NIPA1: variants seen among roughly 807,000 people sequenced by gnomAD.
NIPA1 encodes magnesium transporter NIPA1.
A neutral mutation model predicts 23.9 loss-of-function variants in NIPA1; 13 were observed. The ratio of observed to expected loss-of-function variants is 0.54; its 90% confidence interval spans 0.35 to 0.87. The LOEUF is 0.87. NIPA1 is among the 40% of genes least tolerant of loss of function. The pLI, the probability that NIPA1 is intolerant of heterozygous loss-of-function variation, is 0.01. For synonymous variants in NIPA1, 234 were observed against 202.9 expected (o/e 1.15, Z -1.30); for missense variants, 362 against 429.7 (o/e 0.84, Z 1.39).
chr15:22,822,053 T>C (rs1895550307), intron 4 of NIPA1, among the ~76,000 whole-genome samples: 1 of 152,150 alleles, frequency 6.6e-6, no homozygotes, highest in South Asian at 2.1e-4. Context: ...TAGCTGCAGA[T>C]ATAGACTGAC....
intron 3 of NIPA1, chr15:22,813,785 G>A (rs546362284): frequency 4.4e-5 from 19 of 435,346 alleles, no homozygotes; most frequent in East Asian, 7.0e-5. Context: ...CATTTTTCTC[G>A]TGAACACATA....
At chr15:22,812,939 T>C (rs904074060) in intron 3 of NIPA1, among the ~76,000 whole-genome samples, 4 of 152,134 alleles carry the variant, frequency 2.6e-5, no homozygotes, top group African/African-American at 9.7e-5. Flanking sequence ...TGCTTAGCAT[T>C]CCTTGCTGGA....
chr15:22,795,169 G>C (rs1470788394), intron 1 of NIPA1, among the ~76,000 whole-genome samples: 1 of 152,076 alleles, frequency 6.6e-6, no homozygotes, highest in Non-Finnish European at 1.5e-5. Context: ...ATCTTTATCT[G>C]ACCCTGAGAG....
At chr15:22,823,664 C>T (rs1210093703) in intron 4 of NIPA1, 64 bp from the exon 5 acceptor site, 29 of 1,523,630 alleles carry the variant, frequency 1.9e-5, no homozygotes, top group Non-Finnish European at 2.6e-5. Context: ...CTGCCCCAGT[C>T]CACCTCCTGG....
intron 1 of NIPA1, among the ~76,000 whole-genome samples, chr15:22,787,882 C>T (rs1025122443): frequency 1.3e-5 from 2 of 152,046 alleles, no homozygotes; most frequent in African/African-American, 4.8e-5. Context: ...CCGACAGTCT[C>T]GAATGAAAAT....
At chr15:22,805,226 GT>G (rs1176117336) in intron 1 of NIPA1, among the ~76,000 whole-genome samples, 8 of 152,164 alleles carry the variant, frequency 5.3e-5, no homozygotes, top group African/African-American at 1.9e-4. Context: ...GGAAAAATAA[GT>G]TCTGCATATC....
intron 3 of NIPA1, chr15:22,814,072 C>G (rs1291542040): frequency 7.9e-7 from 1 of 1,264,884 alleles, no homozygotes; most frequent in Admixed American, 2.3e-5. Flanking sequence ...TTCACTGCTC[C>G]ACATCTGCAG....
chr15:22,795,034 A>G (rs1334533532), intron 1 of NIPA1, among the ~76,000 whole-genome samples: 2 of 152,086 alleles, frequency 1.3e-5, no homozygotes, highest in African/African-American at 4.8e-5. Context: ...GGAGCCGCAG[A>G]GTGAGGATGG....
intron 1 of NIPA1, among the ~76,000 whole-genome samples, chr15:22,799,227 CAT>C (rs1895011135): frequency 6.6e-6 from 1 of 152,182 alleles, no homozygotes; most frequent in Non-Finnish European, 1.5e-5. Context: ...CACATATACA[CAT>C]ATGGAATACT....
Position 22,823,825 on chromosome 15 carries a change from C to T in NIPA1, c.576C>T (p.Ile192=), listed in dbSNP as rs1295137961. Residue 192 remains isoleucine (I), a synonymous_variant, in exon 5 of 5, where the codon ATC becomes ATT. Coordinates refer to ENST00000337435, the MANE Select transcript of NIPA1 (RefSeq NM_144599.5). ...GGCCCACCAACATCATGGTCTACATCAGCATCTGCTCCTTGCTGGGCAGTT... is the reference window on the plus strand; with the variant it reads ...GGCCCACCAACATCATGGTCTACATTAGCATCTGCTCCTTGCTGGGCAGTT... The part of the protein sequence containing the change: ...AHGPTNIMVY[I]SICSLLGSFT... 2 of 1,614,146 alleles carry T rather than the reference C, an allele frequency of 1.2e-6. No homozygotes were observed. Among genetic ancestry groups the T allele is most frequent in the Non-Finnish European group, 1.7e-6 (2 of 1,180,000 alleles).
rs147363721 is a variant in NIPA1 at position 22,788,938 on chromosome 15, G to A, written c.178+2104G>A. On this transcript the variant is annotated intron_variant, in intron 1 of 4. Transcript: ENST00000337435. ...CTGTCTTAAAAAAAAAAAAAAAAAA[G>A]ATAAATGCTGTTTCTTATACCTATA... Among the ~76,000 whole-genome samples, 703 of 70,456 alleles carry A rather than the reference G, an allele frequency of 1.0e-2. 4 individuals carry two copies. Among genetic ancestry groups the A allele is most frequent in the Middle Eastern group, 0.037 (5 of 136 alleles). 46.2% of individuals were successfully genotyped at this position (70,456 alleles called of 152,430 possible).
intron 1 of NIPA1, among the ~76,000 whole-genome samples, chr15:22,800,203 C>T (rs117327735): frequency 0.02 from 3,101 of 152,146 alleles, 45 homozygotes; most frequent in Middle Eastern, 0.065. Context: ...TCAGCAATTT[C>T]GCTTTATCTA....
At chr15:22,821,056 C>T (rs543615313) in intron 4 of NIPA1, among the ~76,000 whole-genome samples, 7 of 150,364 alleles carry the variant, frequency 4.7e-5, no homozygotes, top group African/African-American at 7.3e-5. Flanking sequence ...CAGCTCACTG[C>T]GAGCTCCGCC....
At chr15:22,819,206 G>A (rs1204284801) in intron 3 of NIPA1, 1 of 152,154 alleles carries the variant, frequency 6.6e-6, no homozygotes, top group Non-Finnish European at 1.5e-5. Flanking sequence ...TCATGACCGT[G>A]CTTGTATCTC....
intron 1 of NIPA1, among the ~76,000 whole-genome samples, chr15:22,798,271 G>A (rs1436987342): frequency 1.5e-5 from 2 of 134,250 alleles, no homozygotes; most frequent in South Asian, 2.3e-4. Context: ...ACAGAATCTC[G>A]CTCTGTCGCC....
At chr15:22,787,028 C>T (rs959053102) in intron 1 of NIPA1, among the ~76,000 whole-genome samples, 194 bp downstream of exon 1, 5 of 151,842 alleles carry the variant, frequency 3.3e-5, no homozygotes, top group African/African-American at 9.7e-5. Context: ...CGCTCGGGCC[C>T]GGGAGCGGCC....
Position 22,820,693 on chromosome 15 carries a change from C to T in NIPA1, c.478+220C>T, listed in dbSNP as rs143636957. Among the ~76,000 whole-genome samples, 1,322 of 148,930 alleles carry T rather than the reference C, an allele frequency of 8.9e-3. 14 individuals are homozygous for T. Among genetic ancestry groups the T allele is most frequent in the Non-Finnish European group, 0.014 (938 of 66,666 alleles). On this transcript the variant is annotated intron_variant, in intron 4 of 4. Transcript: ENST00000337435. ...CCTCCCGCCTGATCCTCAGGCCCTG[C>T]GGGGAGCCTCCGTGGCCTGGTATTC...
chr15:22,814,112 T>A, intron 3 of NIPA1: 7 of 1,275,816 alleles, frequency 5.5e-6, no homozygotes, highest in Non-Finnish European at 7.2e-6. Flanking sequence ...CCATGTCAGA[T>A]GGTGTTCTGG....
intron 4 of NIPA1, among the ~76,000 whole-genome samples, chr15:22,821,951 T>C (rs956861485): frequency 1.3e-5 from 2 of 152,190 alleles, no homozygotes; most frequent in Non-Finnish European, 2.9e-5. Flanking sequence ...AAAACATCCC[T>C]TTCAATATGT....
Sources: gnomAD v4.1 joint callset for allele counts (sites outside exome capture counted in the v4.1 genomes callset) on GRCh38, gnomAD v4.1.1 for gene constraint, MANE v1.5 for transcripts, NCBI Gene and HGNC (gene_info 2026-07-23, HGNC 2026-07-21) for gene names.